WHAMM: variants seen among roughly 807,000 people sequenced by gnomAD.
WHAMM encodes WASP homolog associated with actin, golgi membranes and microtubules.
In WHAMM, 67 loss-of-function variants were observed where a neutral mutation model predicts 76.5. The ratio of observed to expected loss-of-function variants is 0.88; its 90% CI spans 0.72 to 1.07. The LOEUF (loss-of-function observed/expected upper bound fraction) is 1.07, where lower values mean the gene tolerates loss of function less well. Ranked by LOEUF, WHAMM falls within the 50% of genes least tolerant of loss-of-function variation. The pLI, the probability that WHAMM is intolerant of heterozygous loss-of-function variation, is 0.00. For missense variants in WHAMM, 1,021 were observed against 1,051.1 expected, an observed-to-expected ratio of 0.97 and a Z score of 0.40; for synonymous variants, 419 against 422.1, an observed-to-expected ratio of 0.99 and a Z score of 0.09.
chr15:82,820,798 G>A (rs1466121760), intron 5 of WHAMM, among the ~76,000 whole-genome samples: 1 of 151,844 alleles, frequency 6.6e-6, no homozygotes, highest in African/African-American at 2.4e-5. Flanking sequence ...GTGAGGCTGA[G>A]GCAGGAGAAT....
rs1566993813 is a variant in WHAMM, at chr15:82,819,353, A to G, written c.1135A>G (p.Thr379Ala). 2.6e-5 allele frequency: 30 copies of G among 1,138,452 alleles called. No homozygotes were observed. The highest frequency in any genetic ancestry group is 3.0e-4 in the Middle Eastern group (1 of 3,358). 70.5% of individuals were successfully genotyped at this position (1,138,452 alleles called of 1,614,324 possible). ...AGATCTTCCAGAACAAGAAAAAAAT[A>G]CAAATGTTGTAGATGAATTAGAAAT... ...MEDLPEQEKN[T>A]NVVDELEIQF... The change falls in exon 5 of 10, where the codon ACA (threonine) becomes GCA (alanine). Residue 379 changes from threonine (T) to alanine (A), a missense_variant. Coordinates refer to ENST00000286760, the MANE Select transcript of WHAMM (RefSeq NM_001080435.3).
At chr15:82,825,762 T>C (rs1010240538) in intron 6 of WHAMM, among the ~76,000 whole-genome samples, 10 of 149,714 alleles carry the variant, frequency 6.7e-5, no homozygotes, top group Admixed American at 6.7e-4. Context: ...CACTCCAGCC[T>C]GGGCAACAAG....
chr15:82,828,597 A>C (rs1307293306), intron 8 of WHAMM, among the ~76,000 whole-genome samples: 1 of 152,192 alleles, frequency 6.6e-6, no homozygotes, highest in East Asian at 1.9e-4. Context: ...CTCAGGCCTC[A>C]CTCAGATCAA....
intron 3 of WHAMM, 129 bp downstream of exon 3, chr15:82,816,971 T>A: frequency 1.1e-6 from 1 of 914,594 alleles, no homozygotes; most frequent in Non-Finnish European, 1.6e-6. Flanking sequence ...TGTCAAGCGT[T>A]AAGAGACGTT....
intron 2 of WHAMM, among the ~76,000 whole-genome samples, chr15:82,813,780 C>T (rs1596277124): frequency 6.7e-6 from 1 of 149,208 alleles, no homozygotes; most frequent in East Asian, 2.0e-4. Context: ...TCTCAGCATC[C>T]TGAGTAGCTG....
At chr15:82,818,654 C>G (rs1250063855) in intron 4 of WHAMM, among the ~76,000 whole-genome samples, 3 of 152,144 alleles carry the variant, frequency 2.0e-5, no homozygotes, top group Admixed American at 6.5e-5. Context: ...AAATTTTTTC[C>G]TATAATCTTA....
intron 8 of WHAMM, 50 bp from the exon 9 acceptor site, chr15:82,830,549 T>C: frequency 6.3e-7 from 1 of 1,575,094 alleles, no homozygotes; most frequent in Non-Finnish European, 8.6e-7. Context: ...TTCAGCATTT[T>C]GATGGTTTGC....
rs1206700501 is a variant in WHAMM at position 82,810,166 on chromosome 15, G to A, written c.440G>A (p.Gly147Glu). 10 of 1,399,408 alleles carry A rather than the reference G, an allele frequency of 7.1e-6. No individual in the cohort carries two copies. In the African/African-American group the frequency reaches 1.4e-4, roughly 19 times the overall value. The allele number at this position is 1,399,408 out of a possible 1,614,324, so 86.7% of individuals were successfully genotyped here. Residue 147 changes from glycine (G) to glutamate (E), a missense_variant, in exon 1 of 10, where the codon GGG becomes GAG. Gly to Glu is a moderately conservative substitution (Grantham distance 98). Around this residue, in one of 3 missense-constraint regions of WHAMM, gnomAD observed 501 missense variants for 524.9 expected, o/e 0.95. Coordinates refer to ENST00000286760, the MANE Select transcript of WHAMM (RefSeq NM_001080435.3). Reference protein sequence around the residue: ...PGEAALQELCGQLERYLGAAA... With the variant: ...PGEAALQELCEQLERYLGAAA... ...GAGGCGGCGCTGCAGGAGCTGTGCG[G>A]GCAGCTGGAACGCTATCTGGGCGCG...
Position 82,830,677 on chromosome 15 carries a change from C to A in WHAMM, c.1720C>A (p.Gln574Lys). ...AAACCTGCCAAGTGATCTTTCCCAGCAGATGTGCTTGCCAGCTTCCCACGC... is the reference window on the plus strand; with the variant it reads ...AAACCTGCCAAGTGATCTTTCCCAGAAGATGTGCTTGCCAGCTTCCCACGC... ...APNLPSDLSQ[Q>K]MCLPASHAVS... Residue 574 changes from glutamine to lysine, a missense_variant, in exon 9 of 10, where the codon CAG becomes AAG. Coordinates refer to ENST00000286760, the MANE Select transcript of WHAMM (RefSeq NM_001080435.3). The A allele has an allele frequency of 6.2e-7, 1 of 1,614,036 alleles. No homozygotes were observed. The highest frequency in any genetic ancestry group is 1.1e-5 in the South Asian group (1 of 91,082).
chr15:82,825,486 T>A (rs941980742), intron 6 of WHAMM, among the ~76,000 whole-genome samples: 1 of 152,200 alleles, frequency 6.6e-6, no homozygotes, highest in African/African-American at 2.4e-5. Flanking sequence ...TCTGGAAATG[T>A]TGGAATTTGG....
intron 8 of WHAMM, among the ~76,000 whole-genome samples, chr15:82,828,410 G>A (rs895263860): frequency 2.6e-5 from 4 of 152,152 alleles, no homozygotes; most frequent in Non-Finnish European, 4.4e-5. Flanking sequence ...GCCCTGGATC[G>A]GGGCCTGGGT....
chr15:82,814,809 G>A (rs61326720), intron 2 of WHAMM, among the ~76,000 whole-genome samples: 17,602 of 103,210 alleles, frequency 0.17, 1,529 homozygotes, highest in South Asian at 0.37. Context: ...TCGCTCTGTC[G>A]CCCAGGCTGG....
At chr15:82,822,892 C>T (rs1025263107) in intron 5 of WHAMM, among the ~76,000 whole-genome samples, 12 of 148,736 alleles carry the variant, frequency 8.1e-5, no homozygotes, top group East Asian at 6.0e-4. Context: ...CATGGATATA[C>T]ACACATGCTA....
chr15:82,831,589 T>C (rs1010907034), intron 9 of WHAMM, among the ~76,000 whole-genome samples: 3 of 152,206 alleles, frequency 2.0e-5, no homozygotes, highest in African/African-American at 4.8e-5. Context: ...ACCCTTACTA[T>C]TGGAAATCTT....
chr15:82,818,203 G>A, intron 4 of WHAMM, 114 bp downstream of exon 4: 2 of 1,149,504 alleles, frequency 1.7e-6, no homozygotes, highest in South Asian at 3.3e-5. Flanking sequence ...ATTGTGTAGT[G>A]GTGAAGTTTG....
At chr15:82,833,106 G>A in intron 9 of WHAMM, 123 bp from the exon 10 acceptor site, 1 of 1,147,198 alleles carries the variant, frequency 8.7e-7, no homozygotes, top group Non-Finnish European at 1.2e-6. Context: ...TTTGCTTAAT[G>A]AAGTGATTAT....
chr15:82,822,789 A>G (rs1361101731), intron 5 of WHAMM, among the ~76,000 whole-genome samples: 7 of 151,580 alleles, frequency 4.6e-5, no homozygotes, highest in Non-Finnish European at 7.4e-5. Context: ...CTCCATTGAT[A>G]TGTGTAGCTA....
chr15:82,810,616 G>C, intron 1 of WHAMM: 1 of 985,472 alleles, frequency 1.0e-6, no homozygotes, highest in Non-Finnish European at 1.2e-6. Context: ...GAAGATGCTG[G>C]CAGAGCAGGA....
rs529691955 is a variant in WHAMM, at chr15:82,825,713, G to A, written c.1459-697G>A. Among the ~76,000 whole-genome samples, 7 of 151,974 alleles carry A rather than the reference G, an allele frequency of 4.6e-5. No homozygotes were observed. The South Asian group carries it at 6.2e-4, about 14-fold the overall frequency. On this transcript the variant is annotated intron_variant, in intron 6 of 9. Coordinates refer to ENST00000286760, the MANE Select transcript of WHAMM (RefSeq NM_001080435.3). ...TGAGGCAGGGGAATAGCTTGAACCC[G>A]GGAGGTGGAGGTTGCAGTGAGCCGA...
Sources: allele counts gnomAD v4.1 joint callset (sites outside exome capture counted in the v4.1 genomes callset), GRCh38; gene constraint gnomAD v4.1.1; regional missense constraint gnomAD v4.1.1; transcripts MANE v1.5; gene names NCBI Gene and HGNC (gene_info 2026-07-23, HGNC 2026-07-21).